The following PARD3 variants were observed in gnomAD, a reference collection of about 807,000 sequenced individuals.
PARD3 encodes partitioning defective 3 homolog.
In PARD3, 75 loss-of-function variants were observed where a neutral mutation model predicts 155.4. The observed-to-expected ratio is 0.48, with a 90% CI of 0.40 to 0.58. PARD3 has a LOEUF of 0.58. Among genes scored for constraint, PARD3 ranks in the 20% least tolerant of loss-of-function variants. The pLI is 0.00. For missense variants in PARD3, 1,642 were observed against 1,721.7 expected (o/e 0.95, Z 0.82); for synonymous variants, 576 against 610.5 (o/e 0.94, Z 0.83).
chr10:34,334,062 T>C (rs1222234172), intron 18 of PARD3, among the ~76,000 whole-genome samples: 1 of 151,848 alleles, frequency 6.6e-6, no homozygotes, highest in Non-Finnish European at 1.5e-5. Flanking sequence ...TCATAAAAGT[T>C]AGTATCTTTT....
intron 2 of PARD3, among the ~76,000 whole-genome samples, chr10:34,523,311 C>G (rs959832257): frequency 1.3e-5 from 2 of 152,228 alleles, no homozygotes; most frequent in African/African-American, 4.8e-5. Flanking sequence ...CAATCTCTCA[C>G]TTTCCATTGC....
chr10:34,810,635 T>G (rs1844026442), intron 1 of PARD3, among the ~76,000 whole-genome samples: 1 of 152,216 alleles, frequency 6.6e-6, no homozygotes, highest in Admixed American at 6.5e-5. Context: ...TCAATGAAAT[T>G]ACATGCTGCG....
intron 20 of PARD3, among the ~76,000 whole-genome samples, chr10:34,309,759 C>A (rs1327962206): frequency 3.8e-5 from 4 of 105,982 alleles, no homozygotes; most frequent in Non-Finnish European, 6.8e-5. Context: ...CACCCCCCCG[C>A]CCCCCCAAGA....
intron 2 of PARD3, among the ~76,000 whole-genome samples, chr10:34,647,403 G>A (rs939787674): frequency 2.0e-5 from 3 of 152,108 alleles, no homozygotes; most frequent in Admixed American, 6.6e-5. Context: ...CACGGGTTTC[G>A]CAAAGCCAGC....
chr10:34,375,294 A>C (rs1841115249), intron 10 of PARD3, among the ~76,000 whole-genome samples: 1 of 152,168 alleles, frequency 6.6e-6, no homozygotes, highest in South Asian at 2.1e-4. Flanking sequence ...ACCAAGCAAT[A>C]AATATTTCAA....
intron 2 of PARD3, among the ~76,000 whole-genome samples, chr10:34,620,659 TCA>T (rs1337341164): frequency 2.6e-5 from 4 of 152,292 alleles, no homozygotes; most frequent in South Asian, 2.1e-4. Flanking sequence ...CTTAAACCTC[TCA>T]CAGATAAATA....
rs187166389 is a variant in PARD3, at chr10:34,806,645, T to C, written c.120+8231A>G. Among the ~76,000 whole-genome samples, 34 of 152,248 alleles carry C rather than the reference T, an allele frequency of 2.2e-4. No individual in the cohort carries two copies. The East Asian group carries it at 6.6e-3, about 29-fold the overall frequency. ...CTCACCCAGCCAACCCTAAGCAAAA[T>C]TTACCCTAACTCTGAATAGCATCCA... On this transcript the variant is annotated intron_variant, in intron 1 of 24. Coordinates refer to ENST00000374788, the MANE Select transcript of PARD3 (RefSeq NM_001184785.2).
chr10:34,807,561 CTA>C (rs1399735268), intron 1 of PARD3, among the ~76,000 whole-genome samples: 1 of 152,214 alleles, frequency 6.6e-6, no homozygotes, highest in African/African-American at 2.4e-5. Flanking sequence ...TCTACTGTCT[CTA>C]TAGAGCTACC....
chr10:34,385,684 C>CA (rs1291796268), intron 7 of PARD3, among the ~76,000 whole-genome samples: 6 of 152,078 alleles, frequency 3.9e-5, no homozygotes, highest in African/African-American at 1.4e-4. Flanking sequence ...AGAAATATAC[C>CA]AAAATAGATA....
intron 3 of PARD3, among the ~76,000 whole-genome samples, chr10:34,486,069 G>A (rs1380609203): frequency 6.6e-6 from 1 of 151,894 alleles, no homozygotes; most frequent in Non-Finnish European, 1.5e-5. Flanking sequence ...GACTACAGGT[G>A]CGTGCCACGA....
At chr10:34,178,801 G>T (rs1950143644) in intron 22 of PARD3, among the ~76,000 whole-genome samples, 1 of 152,176 alleles carries the variant, frequency 6.6e-6, no homozygotes, top group Non-Finnish European at 1.5e-5. Flanking sequence ...TTGCTTAGTG[G>T]TCACCTAATA....
chr10:34,589,513 C>T lies in PARD3; in HGVS notation c.223-72354G>A, dbSNP rs566119877. Among the ~76,000 whole-genome samples, 5 of 151,762 alleles carry T rather than the reference C, an allele frequency of 3.3e-5. No homozygotes were observed. The East Asian group carries it at 5.8e-4, about 18-fold the overall frequency. The stretch of plus-strand genomic sequence containing the variant: ...TGTGAACATAAAAATGACCATCTGC[C>T]GACACTTTGATCTTGGACTTCCAGC... On this transcript the variant is annotated intron_variant, in intron 2 of 24. Coordinates refer to ENST00000374788, the MANE Select transcript of PARD3 (RefSeq NM_001184785.2).
chr10:34,409,390 T>C (rs1044975006), intron 5 of PARD3, among the ~76,000 whole-genome samples: 1 of 152,212 alleles, frequency 6.6e-6, no homozygotes, highest in South Asian at 2.1e-4. Flanking sequence ...TAGTCCAGCA[T>C]CCAAAAGTAC....
chr10:34,757,693 GAA>G (rs970413008), intron 1 of PARD3, among the ~76,000 whole-genome samples: 1 of 136,708 alleles, frequency 7.3e-6, no homozygotes. Context: ...CTGTCTCCAA[GAA>G]AAAAAAAAAG....
intron 22 of PARD3, among the ~76,000 whole-genome samples, chr10:34,158,769 T>C (rs1027622894): frequency 8.5e-5 from 13 of 152,238 alleles, no homozygotes; most frequent in Non-Finnish European, 1.5e-4. Context: ...GATGTGTGAC[T>C]AATTCAACAA....
chr10:34,537,035 C>T (rs2133849341), intron 2 of PARD3, among the ~76,000 whole-genome samples: 2 of 152,270 alleles, frequency 1.3e-5, no homozygotes, highest in South Asian at 4.1e-4. Flanking sequence ...CAAGGTCTTG[C>T]TCTGTCATCC....
chr10:34,283,871 A>T (rs1258866001), intron 21 of PARD3, among the ~76,000 whole-genome samples: 1 of 151,788 alleles, frequency 6.6e-6, no homozygotes, highest in Non-Finnish European at 1.5e-5. Flanking sequence ...TTATTTATTC[A>T]TCTAATATGC....
At chr10:34,151,416 G>A (rs1483359745) in intron 22 of PARD3, among the ~76,000 whole-genome samples, 2 of 151,178 alleles carry the variant, frequency 1.3e-5, no homozygotes, top group African/African-American at 4.9e-5. Flanking sequence ...GAGAAGAGAG[G>A]TTTTTTTTTA....
chr10:34,589,797 T>G (rs1222766694), intron 2 of PARD3, among the ~76,000 whole-genome samples: 7 of 152,132 alleles, frequency 4.6e-5, no homozygotes, highest in Non-Finnish European at 2.9e-5. Flanking sequence ...TGTTGCATTT[T>G]TAGAATTCTC....
Sources: gnomAD v4.1 joint callset for allele counts (sites outside exome capture counted in the v4.1 genomes callset) on GRCh38, gnomAD v4.1.1 for gene constraint, MANE v1.5 for transcripts, NCBI Gene and HGNC (gene_info 2026-07-23, HGNC 2026-07-21) for gene names.